COBL: variants seen among roughly 807,000 people sequenced by gnomAD.
COBL encodes cordon-bleu WH2 repeat protein.
A neutral mutation model predicts 98.8 loss-of-function variants in COBL; 51 were observed. The ratio of observed to expected loss-of-function variants is 0.52; its 90% confidence interval spans 0.41 to 0.65. The LOEUF (loss-of-function observed/expected upper bound fraction) is 0.65. COBL is among the 30% of genes least tolerant of loss of function. The probability of loss-of-function intolerance (pLI) is 0.00; values close to 1 mark genes in which losing one functional copy is unlikely to be tolerated. For synonymous variants in COBL, 634 were observed against 651.7 expected, an observed-to-expected ratio of 0.97 and a Z score of 0.41; for missense variants, 1,617 against 1,617.5, an observed-to-expected ratio of 1.00 and a Z score of 0.01.
chr7:51,029,481 T>A lies in COBL; in HGVS notation c.1615A>T (p.Ile539Phe). 1 of 1,614,126 alleles carries A rather than the reference T, an allele frequency of 6.2e-7. No individual in the cohort carries two copies. The highest frequency in any genetic ancestry group is 8.5e-7 in the Non-Finnish European group (1 of 1,180,012). Reference sequence around the variant, plus strand: ...ACTTCCCCTATGAATGTTACTGGGATTGCATCTGTGTCGCCGTGAGGGATC... The same window carrying A: ...ACTTCCCCTATGAATGTTACTGGGAATGCATCTGTGTCGCCGTGAGGGATC... Reference protein sequence around the residue: ...AMIPHGDTDAIPVTFIGEVSD... With the variant: ...AMIPHGDTDAFPVTFIGEVSD... Residue 539 changes from isoleucine (I) to phenylalanine (F), a missense_variant, in exon 10 of 13, where the codon ATC becomes TTC. Transcript: ENST00000265136.
intron 5 of COBL, among the ~76,000 whole-genome samples, chr7:51,138,591 T>C (rs1007012542): frequency 3.9e-5 from 6 of 152,228 alleles, no homozygotes; most frequent in African/African-American, 1.4e-4. Context: ...GCATGGACAC[T>C]GGGACCTTCC....
chr7:51,272,946 TACCAACAACAAC>T (rs1234126870), intron 1 of COBL, among the ~76,000 whole-genome samples: 3 of 148,586 alleles, frequency 2.0e-5, no homozygotes, highest in African/African-American at 7.7e-5. Context: ...TGGAACACAA[TACCAACAACAAC>T]AACAACAACA....
At chr7:51,194,024 C>T (rs893399682) in intron 2 of COBL, among the ~76,000 whole-genome samples, 5 of 152,080 alleles carry the variant, frequency 3.3e-5, no homozygotes, top group African/African-American at 1.2e-4. Context: ...GTCATGGGGG[C>T]TTGTTGTACA....
At chr7:51,122,999 T>C (rs977771696) in intron 6 of COBL, among the ~76,000 whole-genome samples, 14 of 150,688 alleles carry the variant, frequency 9.3e-5, no homozygotes, top group African/African-American at 3.2e-4. Flanking sequence ...AAAAAAAAAA[T>C]TGAATGACAT....
At position 51,316,627 on chromosome 7, in the gene COBL, C is replaced by T. The variant is rs1175908022; in HGVS notation, c.7G>A (p.Ala3Thr). The T allele has an allele frequency of 8.3e-6, 10 of 1,201,108 alleles. No homozygotes were observed. The highest frequency in any genetic ancestry group is 1.6e-5 in the African/African-American group (1 of 63,154). 74.4% of individuals were successfully genotyped at this position (1,201,108 alleles called of 1,614,324 possible). Residue 3 changes from alanine (A) to threonine (T), a missense_variant, in exon 1 of 13, where the codon GCG becomes ACG. Ala to Thr is a moderately conservative substitution (Grantham distance 58). This residue lies in a region of COBL where 238 missense variants were observed against 215.0 expected (regional missense o/e 1.11). Transcript: ENST00000265136. Reference protein sequence around the residue: MDAPRASAAKPPT... With the variant: MDTPRASAAKPPT... ...GGCTTGGCCGCCGAGGCGCGCGGCG[C>T]GTCCATGGTGCCGGGGGCCGGGACG... is the stretch of plus-strand genomic sequence containing the variant.
At chr7:51,127,363 A>T (rs937442847) in intron 6 of COBL, among the ~76,000 whole-genome samples, 1 of 152,210 alleles carries the variant, frequency 6.6e-6, no homozygotes, top group African/African-American at 2.4e-5. Context: ...CCCACAACTA[A>T]ACAGCGGAGC....
Position 51,029,385 on chromosome 7 carries a change from C to G in COBL, c.1711G>C (p.Gly571Arg), listed in dbSNP as rs1787934501. Residue 571 changes from glycine to arginine, a missense_variant, in exon 10 of 13, where the codon GGT becomes CGT. By Grantham distance (125) the Gly-to-Arg change is moderately radical (BLOSUM62 -2). Transcript: ENST00000265136. The stretch of plus-strand genomic sequence containing the variant: ...AGGGAGTCTCTCCTGCTGGCAACAC[C>G]CTCCGAGTCGAAAGACCCAGCATTG... ...NNNAGSFDSEGVASRRDSLAP... is the reference protein window; with the variant it reads ...NNNAGSFDSERVASRRDSLAP... 2 of 1,611,826 alleles carry G rather than the reference C, an allele frequency of 1.2e-6. No individual in the cohort carries two copies. The highest frequency in any genetic ancestry group is 1.7e-6 in the Non-Finnish European group (2 of 1,178,480).
At chr7:51,287,016 C>T (rs192340856) in intron 1 of COBL, among the ~76,000 whole-genome samples, 16 of 152,258 alleles carry the variant, frequency 1.1e-4, no homozygotes, top group African/African-American at 3.9e-4. Flanking sequence ...GAACAGAAAA[C>T]CAAATACTGC....
At chr7:51,061,779 C>T (rs554036190) in intron 7 of COBL, among the ~76,000 whole-genome samples, 1 of 152,294 alleles carries the variant, frequency 6.6e-6, no homozygotes, top group South Asian at 2.1e-4. Context: ...CACCCATCTT[C>T]TCCTGTGCTT....
chr7:51,305,623 C>CA (rs1802386000), intron 1 of COBL, among the ~76,000 whole-genome samples: 1 of 152,050 alleles, frequency 6.6e-6, no homozygotes. Context: ...AAGTTAAAAA[C>CA]AAAAAATAGA....
chr7:51,076,338 G>A lies in COBL; in HGVS notation c.1096+8828C>T, dbSNP rs927014293. ...CCTAAGGGCCATCAGCCAAATTCCCGTCCTACCTTCTCCAGTTCCACGCCC... is the reference window on the plus strand; with the variant it reads ...CCTAAGGGCCATCAGCCAAATTCCCATCCTACCTTCTCCAGTTCCACGCCC... On this transcript the variant is annotated intron_variant, in intron 7 of 12. Transcript: ENST00000265136. 2.3e-4 allele frequency among the ~76,000 whole-genome samples: 35 copies of A among 152,276 alleles called. 1 individual carries two copies. The highest frequency in any genetic ancestry group is 3.4e-3 in the Middle Eastern group (1 of 294).
chr7:51,057,077 G>A (rs2128905137), intron 7 of COBL, among the ~76,000 whole-genome samples: 1 of 152,240 alleles, frequency 6.6e-6, no homozygotes, highest in South Asian at 2.1e-4. Context: ...CTCCTCCCCT[G>A]CCTGTGAGTC....
At chr7:51,071,098 T>C (rs1355343309) in intron 7 of COBL, 1 of 152,212 alleles carries the variant, frequency 6.6e-6, no homozygotes, top group Non-Finnish European at 1.5e-5. Context: ...GGATTCTTCA[T>C]GCTCTCAACT....
intron 7 of COBL, among the ~76,000 whole-genome samples, chr7:51,062,302 G>A (rs1019874676): frequency 1.3e-4 from 20 of 150,188 alleles, no homozygotes; most frequent in African/African-American, 4.9e-4. Context: ...TTTAATTTGC[G>A]TCTGTGAGAG....
At chr7:51,163,473 G>A (rs1024344258) in intron 5 of COBL, among the ~76,000 whole-genome samples, 2 of 152,134 alleles carry the variant, frequency 1.3e-5, no homozygotes, top group African/African-American at 4.8e-5. Flanking sequence ...ATCACTGGGA[G>A]CCATTATTAT....
At chr7:51,309,711 C>A (rs549205280) in intron 1 of COBL, among the ~76,000 whole-genome samples, 2 of 152,176 alleles carry the variant, frequency 1.3e-5, no homozygotes, top group Non-Finnish European at 2.9e-5. Flanking sequence ...TTATCTAACT[C>A]CCTCCACCAG....
intron 4 of COBL, 92 bp from the exon 5 acceptor site, chr7:51,184,291 T>G: frequency 1.4e-6 from 1 of 695,644 alleles, no homozygotes; most frequent in Non-Finnish European, 2.3e-6. Context: ...AATCCTCTAC[T>G]CTTAAACTTT....
intron 1 of COBL, among the ~76,000 whole-genome samples, chr7:51,273,243 C>A (rs929622522): frequency 6.7e-6 from 1 of 150,350 alleles, no homozygotes; most frequent in South Asian, 2.1e-4. Context: ...GCAGGAGAAT[C>A]GCTTGAACCT....
intron 6 of COBL, among the ~76,000 whole-genome samples, chr7:51,122,980 C>G: frequency 9.9e-6 from 1 of 100,506 alleles, no homozygotes; most frequent in South Asian, 3.2e-4. Context: ...GAGACTCCAT[C>G]TCAAAAAAAA....
Sources: gnomAD v4.1 joint callset for allele counts (sites outside exome capture counted in the v4.1 genomes callset) on GRCh38, gnomAD v4.1.1 for gene constraint, gnomAD v4.1.1 regional missense constraint, MANE v1.5 for transcripts, NCBI Gene and HGNC (gene_info 2026-07-23, HGNC 2026-07-21) for gene names.